Variants in NSMCE2 observed in about 807,000 individuals in gnomAD.
The protein encoded by NSMCE2 is E3 SUMO-protein ligase NSE2.
Under a neutral mutation model 23.8 loss-of-function variants are expected in NSMCE2, and 24 were observed. The ratio of observed to expected loss-of-function variants is 1.01; its 90% CI spans 0.73 to 1.42. The LOEUF is 1.42. Ranked by LOEUF, NSMCE2 falls within the 40% of genes most tolerant of loss-of-function variation. NSMCE2 has a pLI of 0.00. For synonymous variants in NSMCE2, 92 were observed against 94.1 expected, an observed-to-expected ratio of 0.98 and a Z score of 0.13; for missense variants, 284 against 296.5, an observed-to-expected ratio of 0.96 and a Z score of 0.31.
intron 5 of NSMCE2, among the ~76,000 whole-genome samples, chr8:125,343,663 A>G (rs1433332182): frequency 6.6e-6 from 1 of 151,936 alleles, no homozygotes; most frequent in African/African-American, 2.4e-5. Flanking sequence ...AAATTAAAGT[A>G]TGACATATAA....
chr8:125,109,040 T>C (rs1349072800), intron 3 of NSMCE2, among the ~76,000 whole-genome samples: 4 of 152,176 alleles, frequency 2.6e-5, no homozygotes, highest in Non-Finnish European at 4.4e-5. Flanking sequence ...AAGAGGAGAT[T>C]ATGTCAGTAG....
At chr8:125,103,457 A>AT (rs1198637817) in intron 3 of NSMCE2, among the ~76,000 whole-genome samples, 5 of 151,284 alleles carry the variant, frequency 3.3e-5, no homozygotes, top group African/African-American at 4.9e-5. Context: ...CCGTGGTGTG[A>AT]TTTTTTTTGT....
chr8:125,130,335 C>G (rs1819709223), intron 3 of NSMCE2: 1 of 449,688 alleles, frequency 2.2e-6, no homozygotes, highest in Non-Finnish European at 4.5e-6. Flanking sequence ...TAGTGTTTGT[C>G]AAGTTTCTTT....
chr8:125,143,849 G>A (rs116902257), intron 3 of NSMCE2, among the ~76,000 whole-genome samples: 3 of 152,170 alleles, frequency 2.0e-5, no homozygotes, highest in East Asian at 1.9e-4. Flanking sequence ...ACACATCCAC[G>A]TGTCCCAGTT....
intron 3 of NSMCE2, among the ~76,000 whole-genome samples, chr8:125,125,175 T>C (rs902152234): frequency 2.6e-5 from 4 of 152,152 alleles, no homozygotes; most frequent in Admixed American, 2.6e-4. Flanking sequence ...TATTTCTTTT[T>C]CTTGCCTAAT....
chr8:125,272,889 A>G (rs1827287140), intron 5 of NSMCE2, among the ~76,000 whole-genome samples: 2 of 129,386 alleles, frequency 1.5e-5, no homozygotes, highest in South Asian at 2.2e-4. Context: ...GTGTGTATAT[A>G]TATATAAAAG....
chr8:125,232,411 A>G (rs778637645), intron 5 of NSMCE2, among the ~76,000 whole-genome samples: 1 of 152,084 alleles, frequency 6.6e-6, no homozygotes, highest in Non-Finnish European at 1.5e-5. Context: ...CACTGTGCAC[A>G]TGATAAGAAT....
At chr8:125,356,326 GTTTTTTTT>G (rs747884264) in intron 5 of NSMCE2, among the ~76,000 whole-genome samples, 1 of 105,436 alleles carries the variant, frequency 9.5e-6, no homozygotes, top group African/African-American at 3.6e-5. Context: ...TAATTTTTTG[GTTTTTTTT>G]TTTTTTTTTT....
chr8:125,157,532 C>G (rs1005162861), intron 4 of NSMCE2, among the ~76,000 whole-genome samples: 3 of 152,120 alleles, frequency 2.0e-5, no homozygotes, highest in African/African-American at 7.2e-5. Flanking sequence ...GTTTAGAACT[C>G]CCTGTACAGT....
intron 5 of NSMCE2, among the ~76,000 whole-genome samples, chr8:125,333,532 T>TTTTTA (rs1829959667): frequency 7.9e-6 from 1 of 126,906 alleles, no homozygotes; most frequent in African/African-American, 3.1e-5. Flanking sequence ...TTTTTTTTTT[T>TTTTTA]GAGACGGAGT....
intron 5 of NSMCE2, among the ~76,000 whole-genome samples, chr8:125,198,136 G>C (rs1823707878): frequency 1.3e-5 from 2 of 152,124 alleles, no homozygotes; most frequent in Admixed American, 6.5e-5. Flanking sequence ...TCTGCAAACA[G>C]GGACAATTTG....
chr8:125,323,178 A>G (rs1050185403), intron 5 of NSMCE2, among the ~76,000 whole-genome samples: 1 of 152,268 alleles, frequency 6.6e-6, no homozygotes, highest in African/African-American at 2.4e-5. Flanking sequence ...AAGATATACC[A>G]TGTTAATGAA....
chr8:125,260,048 T>G (rs923892522), intron 5 of NSMCE2, among the ~76,000 whole-genome samples: 8 of 152,178 alleles, frequency 5.3e-5, no homozygotes, highest in African/African-American at 1.7e-4. Flanking sequence ...GGGATAAATA[T>G]TTTATTTAAA....
At chr8:125,182,325 G>C in intron 5 of NSMCE2, 69 bp downstream of exon 5, 2 of 1,180,218 alleles carry the variant, frequency 1.7e-6, no homozygotes, top group Non-Finnish European at 2.5e-6. Flanking sequence ...AACAGCCCCA[G>C]TTAACTGATT....
intron 1 of NSMCE2, among the ~76,000 whole-genome samples, chr8:125,096,634 C>CTTTTTT (rs34656029): frequency 1.2e-4 from 10 of 80,440 alleles, no homozygotes; most frequent in Admixed American, 1.8e-4. Flanking sequence ...GTGTGGAATC[C>CTTTTTT]TTTTTTTTTT....
intron 5 of NSMCE2, among the ~76,000 whole-genome samples, chr8:125,310,253 G>A (rs1828927494): frequency 6.6e-6 from 1 of 152,150 alleles, no homozygotes; most frequent in Non-Finnish European, 1.5e-5. Context: ...TCAGACAGAA[G>A]GGAGTTCCAT....
At chr8:125,366,049 T>G (rs1195063634) in intron 7 of NSMCE2, among the ~76,000 whole-genome samples, 3 of 152,070 alleles carry the variant, frequency 2.0e-5, no homozygotes, top group Non-Finnish European at 4.4e-5. Flanking sequence ...GCAGACTTGT[T>G]CCCACGCTTC....
intron 5 of NSMCE2, among the ~76,000 whole-genome samples, chr8:125,316,943 T>A (rs1015537435): frequency 2.0e-5 from 3 of 151,702 alleles, no homozygotes; most frequent in Non-Finnish European, 2.9e-5. Context: ...CACACCCAGC[T>A]GATTTTTGGT....
intron 5 of NSMCE2, among the ~76,000 whole-genome samples, chr8:125,291,091 G>T (rs551597566): frequency 1.1e-4 from 17 of 152,288 alleles, no homozygotes; most frequent in African/African-American, 4.1e-4. Context: ...AGATGTAATT[G>T]TGGTAAATAT....
Sources: allele counts gnomAD v4.1 joint callset (sites outside exome capture counted in the v4.1 genomes callset), GRCh38; gene constraint gnomAD v4.1.1; transcripts MANE v1.5; gene names NCBI Gene and HGNC (gene_info 2026-07-23, HGNC 2026-07-21).